The following PAK3 variants were observed in gnomAD, a reference collection of about 807,000 sequenced individuals.
PAK3 encodes the protein p21 (RAC1) activated kinase 3.
A neutral mutation model predicts 41.0 loss-of-function variants in PAK3; 4 were observed. The observed-to-expected ratio is 0.10, with a 90% confidence interval of 0.05 to 0.22. PAK3 has a LOEUF of 0.22. Ranked by LOEUF, PAK3 falls within the 10% of genes least tolerant of loss-of-function variation. The pLI is 1.00. For missense variants in PAK3, 205 were observed against 409.9 expected (o/e 0.50, Z 4.32); for synonymous variants, 146 against 139.6 (o/e 1.05, Z -0.32).
intron 8 of PAK3, among the ~76,000 whole-genome samples, chrX:111,161,905 T>C (rs1324853484): frequency 2.7e-5 from 3 of 111,639 alleles, no homozygotes; most frequent in South Asian, 3.8e-4. Flanking sequence ...GCTAGCCACA[T>C]TTTAAGTGTT....
chrX:110,978,976 GA>G (rs974493480), intron 1 of PAK3, among the ~76,000 whole-genome samples: 4 of 111,456 alleles, frequency 3.6e-5, no homozygotes, highest in African/African-American at 6.5e-5. Flanking sequence ...GGGGGGCTTT[GA>G]AATTACAAAT....
chrX:111,024,021 T>C lies in PAK3; in HGVS notation c.-28+79393T>C, dbSNP rs186066472. Reference sequence around the variant, plus strand: ...AGGTTTTCTTCTAGGGTTTTTATGGTGTTAGGTCTTACATTTAAGTCTTTA... The same window carrying C: ...AGGTTTTCTTCTAGGGTTTTTATGGCGTTAGGTCTTACATTTAAGTCTTTA... On this transcript the variant is annotated intron_variant, in intron 1 of 14. Coordinates refer to the PAK3 transcript ENST00000425146. Among the ~76,000 whole-genome samples, 112 of 112,196 alleles carry C rather than the reference T, an allele frequency of 1.0e-3. 2 individuals are homozygous for C. The East Asian group carries it at 0.029, about 29-fold the overall frequency.
At chrX:110,945,316 G>A (rs2090593492) in intron 1 of PAK3, among the ~76,000 whole-genome samples, 1 of 111,629 alleles carries the variant, frequency 9.0e-6, no homozygotes, top group African/African-American at 3.3e-5. Flanking sequence ...TCCATGCCAA[G>A]CCAGACTGCA....
chrX:110,990,524 C>T (rs1252175115), intron 1 of PAK3, among the ~76,000 whole-genome samples: 2 of 109,917 alleles, frequency 1.8e-5, no homozygotes, highest in Admixed American at 9.8e-5. Flanking sequence ...AATGTATTGA[C>T]CGTAGAATGA....
intron 1 of PAK3, among the ~76,000 whole-genome samples, chrX:111,066,365 A>G (rs1388823871): frequency 8.9e-6 from 1 of 111,956 alleles, no homozygotes; most frequent in African/African-American, 3.2e-5. Context: ...ATTTTCACAT[A>G]GTTGTGTGGT....
Position 111,009,858 on chromosome X carries a change from T to C in PAK3, c.-28+65230T>C, listed in dbSNP as rs770997021. 2.7e-5 allele frequency among the ~76,000 whole-genome samples: 3 copies of C among 112,454 alleles called. No homozygotes were observed. The South Asian group carries it at 1.1e-3, about 42-fold the overall frequency. ...CTAGGGGCCAGGCATTGTTAATATC[T>C]ACTTTTAATAGATCAGGAAACTAAG... On this transcript the variant is annotated intron_variant, in intron 1 of 14. Coordinates refer to the PAK3 transcript ENST00000425146.
At chrX:111,173,411 C>A (rs181891317) in intron 11 of PAK3, among the ~76,000 whole-genome samples, 61 of 111,276 alleles carry the variant, frequency 5.5e-4, no homozygotes, top group Non-Finnish European at 8.7e-4. Context: ...TACGTAAAAA[C>A]CCCCTTTATC....
At chrX:111,008,777 T>A (rs2091969547) in intron 1 of PAK3, among the ~76,000 whole-genome samples, 1 of 111,668 alleles carries the variant, frequency 9.0e-6, no homozygotes, top group African/African-American at 3.3e-5. Context: ...TTAATAAGGG[T>A]TGAGTGTTTT....
rs188468066 is a variant in PAK3 at position 110,964,270 on chromosome X, G to A, written c.-28+19642G>A. ...GATTCAAAAGCTCAAGCATTTTCAAGTGTGAGAAAATGTGAGATCCAAGGC... is the reference window on the plus strand; with the variant it reads ...GATTCAAAAGCTCAAGCATTTTCAAATGTGAGAAAATGTGAGATCCAAGGC... On this transcript the variant is annotated intron_variant, in intron 1 of 14. Coordinates refer to the PAK3 transcript ENST00000425146. Among the ~76,000 whole-genome samples the A allele has an allele frequency of 4.7e-4, 53 of 112,193 alleles. 1 individual carries two copies. The highest frequency in any genetic ancestry group is 4.4e-3 in the Admixed American group (47 of 10,645).
At chrX:111,058,412 G>T (rs982005935) in intron 1 of PAK3, among the ~76,000 whole-genome samples, 3 of 111,420 alleles carry the variant, frequency 2.7e-5, no homozygotes, top group Non-Finnish European at 5.7e-5. Flanking sequence ...TTGTGGCTTT[G>T]ATTTCAATTT....
At chrX:111,209,656 T>C (rs1037579704) in intron 16 of PAK3, among the ~76,000 whole-genome samples, 2 of 112,367 alleles carry the variant, frequency 1.8e-5, no homozygotes, top group African/African-American at 6.5e-5. Context: ...TGAGTCTTTA[T>C]ATTGGTGCTG....
chrX:111,123,089 T>C lies in PAK3; in HGVS notation c.-15T>C, dbSNP rs758607736. 3.5e-5 allele frequency: 42 copies of C among 1,187,596 alleles called. No individual in the cohort carries two copies. In the Admixed American group the frequency reaches 8.9e-4, roughly 25 times the overall value. The stretch of plus-strand genomic sequence containing the variant: ...TCCTTTTCTTTAGGAGCTGTGAAAT[T>C]AGTTGTAACTGAAAATGTCTGACGG... On this transcript the variant is annotated 5_prime_UTR_variant, in exon 5 of 18. Transcript: ENST00000372007.
At chrX:111,002,979 A>G (rs1356965400) in intron 1 of PAK3, among the ~76,000 whole-genome samples, 1 of 111,931 alleles carries the variant, frequency 8.9e-6, no homozygotes, top group Non-Finnish European at 1.9e-5. Flanking sequence ...CTTTCCCTGG[A>G]CCAACTGGGG....
At chrX:111,064,100 A>C (rs2148813558) in intron 1 of PAK3, among the ~76,000 whole-genome samples, 1 of 111,461 alleles carries the variant, frequency 9.0e-6, no homozygotes, top group African/African-American at 3.3e-5. Flanking sequence ...TATGAACATC[A>C]GAATGCCTTG....
chrX:111,203,630 A>G (rs1229239238), intron 16 of PAK3, among the ~76,000 whole-genome samples: 1 of 111,745 alleles, frequency 8.9e-6, no homozygotes, highest in Non-Finnish European at 1.9e-5. Flanking sequence ...AGTTGTTCTT[A>G]TTTCTTCTTG....
At chrX:111,219,235 T>TAATAATAAG (rs1380610093) in intron 17 of PAK3, among the ~76,000 whole-genome samples, 166 of 102,405 alleles carry the variant, frequency 1.6e-3, no homozygotes, top group African/African-American at 5.6e-3. Flanking sequence ...ATAATAATAA[T>TAATAATAAG]AAGCAAGAGA....
chrX:111,163,735 C>CTT lies in PAK3; in HGVS notation c.766+9_766+10dup. 1 of 1,160,805 alleles carries CTT rather than the reference C, an allele frequency of 8.6e-7. No homozygotes were observed. The highest frequency in any genetic ancestry group is 1.2e-6 in the Non-Finnish European group (1 of 849,781). ...AGATCTTAGAGAAGCTAAGTGAGTA[C>CTT]TTCTTGCCATGATTACTTTCTACAC... On this transcript the variant is annotated intron_variant, in intron 10 of 17. Coordinates refer to ENST00000372007, the MANE Select transcript of PAK3 (RefSeq NM_002578.5).
intron 5 of PAK3, among the ~76,000 whole-genome samples, chrX:111,133,057 T>C (rs903895543): frequency 2.7e-5 from 3 of 111,766 alleles, no homozygotes; most frequent in African/African-American, 9.8e-5. Context: ...ATGGCATGTG[T>C]ACCTTTAGCA....
At chrX:111,096,641 A>G (rs2092991656) in intron 1 of PAK3, 1 of 110,698 alleles carries the variant, frequency 9.0e-6, no homozygotes, top group African/African-American at 3.3e-5. Flanking sequence ...GGCCGTTCCC[A>G]GAGGGCCGGG....
Sources: gnomAD v4.1 joint callset for allele counts (sites outside exome capture counted in the v4.1 genomes callset) on GRCh38, gnomAD v4.1.1 for gene constraint, MANE v1.5 for transcripts, NCBI Gene and HGNC (gene_info 2026-07-23, HGNC 2026-07-21) for gene names.